ARHGEF4: variants seen among roughly 807,000 people sequenced by gnomAD.
ARHGEF4 encodes APC-stimulated guanine nucleotide exchange factor 1.
In ARHGEF4, 119 loss-of-function variants were observed where a neutral mutation model predicts 162.0. The ratio of observed to expected loss-of-function variants is 0.73; its 90% CI spans 0.63 to 0.86. The LOEUF (loss-of-function observed/expected upper bound fraction) is 0.86. Among genes scored for constraint, ARHGEF4 ranks in the 40% least tolerant of loss-of-function variants. The pLI is 0.00. For synonymous variants in ARHGEF4, 1,014 were observed against 979.9 expected (o/e 1.03, Z -0.65); for missense variants, 2,488 against 2,456.0 (o/e 1.01, Z -0.28).
chr2:130,980,665 C>T (rs1686062335), intron 4 of ARHGEF4, among the ~76,000 whole-genome samples: 1 of 152,184 alleles, frequency 6.6e-6, no homozygotes, highest in African/African-American at 2.4e-5. Context: ...GCAACCTTCA[C>T]CACTCAAATC....
chr2:130,900,463 A>G (rs554856211), intron 1 of ARHGEF4, among the ~76,000 whole-genome samples: 15 of 152,312 alleles, frequency 9.8e-5, no homozygotes, highest in South Asian at 6.2e-4. Context: ...TCTGTCTTCT[A>G]TGCCCTCCAT....
intron 4 of ARHGEF4, among the ~76,000 whole-genome samples, chr2:131,014,394 C>A (rs1688649023): frequency 6.6e-6 from 1 of 152,318 alleles, no homozygotes; most frequent in East Asian, 1.9e-4. Context: ...ATTGTGACCA[C>A]AAAGTCTTGT....
intron 4 of ARHGEF4, among the ~76,000 whole-genome samples, chr2:130,956,242 G>A (rs1009777185): frequency 3.3e-5 from 5 of 152,150 alleles, no homozygotes; most frequent in African/African-American, 9.7e-5. Context: ...CTGGCCATCA[G>A]AGAAATGCAA....
rs1386199212 is a variant in ARHGEF4, at chr2:131,046,222, T to C, written c.*33T>C. 1.3e-6 allele frequency: 2 copies of C among 1,580,322 alleles called. No homozygotes were observed. The highest frequency in any genetic ancestry group is 8.6e-7 in the Non-Finnish European group (1 of 1,157,912). ...CCTGCCTGACAGCACCTGCTGGGCCTTCCTGCCAGTGGCCCCCAGTTTTTC... is the reference window on the plus strand; with the variant it reads ...CCTGCCTGACAGCACCTGCTGGGCCCTCCTGCCAGTGGCCCCCAGTTTTTC... On this transcript the variant is annotated 3_prime_UTR_variant, in exon 14 of 14. Transcript: ENST00000409359.
rs1380211372 is a variant in ARHGEF4 at position 130,915,725 on chromosome 2, G to A, written c.1779G>A (p.Thr593=). The change falls in exon 2 of 14, where the codon ACG becomes ACA. Residue 593 remains threonine (T), a synonymous_variant. Coordinates refer to ENST00000409359, the MANE Select transcript of ARHGEF4 (RefSeq NM_001367493.1). ...LQGLSEFKAA[T]VSHCGPGAEE... The stretch of plus-strand genomic sequence containing the variant: ...GTCTTTCAGAATTCAAGGCAGCCAC[G>A]GTGTCTCACTGCGGCCCCGGGGCTG... 7 of 1,549,200 alleles carry A rather than the reference G, an allele frequency of 4.5e-6. No homozygotes were observed. Among genetic ancestry groups the A allele is most frequent in the Non-Finnish European group, 6.1e-6 (7 of 1,146,204 alleles).
intron 8 of ARHGEF4, among the ~76,000 whole-genome samples, chr2:131,040,936 A>AC (rs112818025): frequency 0.19 from 29,416 of 151,498 alleles, 4,601 homozygotes; most frequent in African/African-American, 0.44. Flanking sequence ...GTCCCACCCA[A>AC]CCCCCTACCA....
At chr2:130,887,999 G>C (rs928821037) in intron 1 of ARHGEF4, among the ~76,000 whole-genome samples, 2 of 152,194 alleles carry the variant, frequency 1.3e-5, no homozygotes, top group Middle Eastern at 6.8e-3. Flanking sequence ...GCAGGTGTGT[G>C]CAGCTTCCCA....
At chr2:131,039,373 C>A in intron 6 of ARHGEF4, 1 of 1,089,408 alleles carries the variant, frequency 9.2e-7, no homozygotes, top group Non-Finnish European at 1.1e-6. Flanking sequence ...CACACACAGC[C>A]CCGGGAGTGG....
intron 4 of ARHGEF4, among the ~76,000 whole-genome samples, chr2:131,015,287 TTTTC>T (rs1688704702): frequency 6.6e-6 from 1 of 152,042 alleles, no homozygotes; most frequent in Non-Finnish European, 1.5e-5. Context: ...AAATCTGAGG[TTTTC>T]AGTGAGCCGT....
intron 3 of ARHGEF4, among the ~76,000 whole-genome samples, chr2:130,937,668 A>AT (rs1683043404): frequency 2.8e-5 from 2 of 71,916 alleles, no homozygotes; most frequent in Non-Finnish European, 6.5e-5. Flanking sequence ...TTTGTATCAT[A>AT]ATTTTTTTTT....
intron 4 of ARHGEF4, among the ~76,000 whole-genome samples, chr2:130,988,925 GAGAGAGAGAGAA>G (rs1481137094): frequency 5.3e-5 from 8 of 149,810 alleles, no homozygotes; most frequent in South Asian, 2.1e-4. Context: ...GAGAGAGAGA[GAGAGAGAGAGAA>G]AGATTCCAAA....
intron 4 of ARHGEF4, among the ~76,000 whole-genome samples, chr2:130,956,388 C>A (rs1684274511): frequency 6.6e-6 from 1 of 151,972 alleles, no homozygotes; most frequent in African/African-American, 2.4e-5. Flanking sequence ...TAAACTAGTT[C>A]AACCATTGTG....
intron 5 of ARHGEF4, among the ~76,000 whole-genome samples, chr2:131,038,568 G>A (rs1690491106): frequency 6.6e-6 from 1 of 152,224 alleles, no homozygotes; most frequent in Admixed American, 6.5e-5. Context: ...AGGAATTCTG[G>A]ATTGGGAATG....
chr2:131,040,073 G>C lies in ARHGEF4; in HGVS notation c.4363G>C (p.Gly1455Arg). The C allele has an allele frequency of 6.2e-7, 1 of 1,600,888 alleles. No individual in the cohort carries two copies. Among genetic ancestry groups the C allele is most frequent in the South Asian group, 1.1e-5 (1 of 89,448 alleles). The change falls in exon 7 of 14, where the codon GGA becomes CGA. Residue 1455 changes from glycine to arginine, a missense_variant. Physicochemically the swap from Gly to Arg is moderately radical, Grantham distance 125. Transcript: ENST00000409359. ...DDDAPLAGNS[G>R]AEDGGAEAQS... ...CGACGCCCCTCTGGCCGGGAACAGC[G>C]GAGCGGAGGACGGCGGGGCGGAGGC... is the stretch of plus-strand genomic sequence containing the variant.
intron 4 of ARHGEF4, among the ~76,000 whole-genome samples, chr2:130,978,491 T>A (rs541116288): frequency 3.8e-4 from 58 of 152,252 alleles, no homozygotes; most frequent in Non-Finnish European, 7.2e-4. Context: ...TCCATATAGA[T>A]TCCCAAGTTG....
intron 3 of ARHGEF4, among the ~76,000 whole-genome samples, chr2:130,944,187 GGCT>G (rs1483839794): frequency 1.3e-5 from 2 of 152,102 alleles, no homozygotes; most frequent in East Asian, 1.9e-4. Context: ...TGTGGTTTCT[GGCT>G]GCTTTAAGAT....
chr2:130,979,734 TAA>T (rs776769283), intron 4 of ARHGEF4, among the ~76,000 whole-genome samples: 74 of 92,712 alleles, frequency 8.0e-4, no homozygotes, highest in Middle Eastern at 6.9e-3. Context: ...AGACTCCATC[TAA>T]AAAAAAAAAA....
chr2:130,996,286 G>A (rs909788621), intron 4 of ARHGEF4, among the ~76,000 whole-genome samples: 19 of 152,304 alleles, frequency 1.2e-4, no homozygotes, highest in African/African-American at 3.1e-4. Flanking sequence ...GCCTGTGCCC[G>A]TTCCCTCTGT....
At chr2:130,964,133 C>G in intron 4 of ARHGEF4, 1 of 978,260 alleles carries the variant, frequency 1.0e-6, no homozygotes, top group Non-Finnish European at 1.2e-6. Context: ...GGGCTGTCCC[C>G]GGGCTCCGAC....
Sources: gnomAD v4.1 joint callset for allele counts (sites outside exome capture counted in the v4.1 genomes callset) on GRCh38, gnomAD v4.1.1 for gene constraint, MANE v1.5 for transcripts, NCBI Gene and HGNC (gene_info 2026-07-23, HGNC 2026-07-21) for gene names.